SEC24A: variants seen among roughly 807,000 people sequenced by gnomAD.
The protein encoded by SEC24A is protein transport protein Sec24A.
Under a neutral mutation model 129.4 loss-of-function variants are expected in SEC24A, and 93 were observed. The ratio of observed to expected loss-of-function variants is 0.72; its 90% confidence interval spans 0.61 to 0.85. The LOEUF is 0.85. Ranked by LOEUF, SEC24A falls within the 40% of genes least tolerant of loss-of-function variation. The pLI is 0.00. For missense variants in SEC24A, 1,264 were observed against 1,307.4 expected (o/e 0.97, Z 0.51); for synonymous variants, 460 against 467.3 (o/e 0.98, Z 0.20).
chr5:134,672,746 T>C (rs992283582), intron 4 of SEC24A, among the ~76,000 whole-genome samples: 5 of 146,588 alleles, frequency 3.4e-5, no homozygotes, highest in Non-Finnish European at 7.5e-5. Flanking sequence ...ACTTTTAGGA[T>C]TTTTTTTTTT....
Position 134,726,509 on chromosome 5 carries a change from T to C in SEC24A, c.*1415T>C, listed in dbSNP as rs1327737935. ...TATATCAATATGAGCTGACTTTAAC[T>C]GAGTTGTTTGGGATAGGGAAGAAGC... On this transcript the variant is annotated 3_prime_UTR_variant, in exon 23 of 23. Transcript: ENST00000398844. 6.6e-6 allele frequency: 1 copy of C among 152,620 alleles called. No individual in the cohort carries two copies. The highest frequency in any genetic ancestry group is 1.5e-5 in the Non-Finnish European group (1 of 68,006). 9.5% of individuals were successfully genotyped at this position (152,620 alleles called of 1,614,324 possible). A position where few individuals can be genotyped will look rare whatever the true frequency, so the allele number is the denominator to read the frequency against.
rs531057757 is a variant in SEC24A, at chr5:134,685,052, G to A, written c.1492-1738G>A. On this transcript the variant is annotated intron_variant, in intron 9 of 22. Transcript: ENST00000398844. ...CCGTGGATTCAACTACCCATGGATCGAAAATGTTCAGAAAAACACAGTAAA... is the reference window on the plus strand; with the variant it reads ...CCGTGGATTCAACTACCCATGGATCAAAAATGTTCAGAAAAACACAGTAAA... Among the ~76,000 whole-genome samples the A allele has an allele frequency of 1.2e-3, 179 of 152,200 alleles. 1 individual carries two copies. The highest frequency in any genetic ancestry group is 3.9e-3 in the African/African-American group (163 of 41,538).
chr5:134,698,952 GTC>G lies in SEC24A; in HGVS notation c.2266+898_2266+899del, dbSNP rs938296596. On this transcript the variant is annotated intron_variant, in intron 15 of 22. Coordinates refer to ENST00000398844, the MANE Select transcript of SEC24A (RefSeq NM_021982.3). ...ACAGCCTAGACCCTTTTTTGACAGA[GTC>G]TCATTCTGTCGCCCAGGCTGGAGTG... Among the ~76,000 whole-genome samples, 94 of 150,598 alleles carry G rather than the reference GTC, an allele frequency of 6.2e-4. 1 individual carries two copies. The highest frequency in any genetic ancestry group is 8.0e-4 in the Non-Finnish European group (54 of 67,604).
At chr5:134,697,776 C>A in intron 14 of SEC24A, 123 bp from the exon 15 acceptor site, 1 of 1,030,126 alleles carries the variant, frequency 9.7e-7, no homozygotes, top group South Asian at 1.6e-5. Flanking sequence ...GGAATAAAAT[C>A]TCCTTTCTGA....
intron 21 of SEC24A, among the ~76,000 whole-genome samples, chr5:134,721,432 G>A (rs908433110): frequency 2.4e-4 from 36 of 150,318 alleles, no homozygotes; most frequent in Admixed American, 2.2e-3. Context: ...GCGTGGTGGC[G>A]CACACCTGTA....
At position 134,661,537 on chromosome 5, in the gene SEC24A, A is replaced by G. The variant is rs764245136; in HGVS notation, c.516A>G (p.Gln172=). 9.4e-5 allele frequency: 151 copies of G among 1,613,972 alleles called. 1 individual carries two copies. In the East Asian group the frequency reaches 3.3e-3, roughly 35 times the overall value. ...SGNTSLTTNH[Q]YVSSGYPSLQ... is the part of the protein sequence containing the mutation. ...ATACAAGTTTAACCACAAATCATCAATATGTTTCTTCTGGATATCCTTCAC... is the reference window on the plus strand; with the variant it reads ...ATACAAGTTTAACCACAAATCATCAGTATGTTTCTTCTGGATATCCTTCAC... Residue 172 remains glutamine (Q), a synonymous_variant, in exon 2 of 23, where the codon CAA becomes CAG. Coordinates refer to ENST00000398844, the MANE Select transcript of SEC24A (RefSeq NM_021982.3).
chr5:134,679,474 C>A, intron 7 of SEC24A, 128 bp from the exon 8 acceptor site: 1 of 544,214 alleles, frequency 1.8e-6, no homozygotes, highest in Non-Finnish European at 3.2e-6. Context: ...TTAGATACAT[C>A]TTGTACTCTA....
At chr5:134,723,768 GTTC>G in intron 22 of SEC24A, 98 bp downstream of exon 22, 1 of 712,612 alleles carries the variant, frequency 1.4e-6, no homozygotes, top group Non-Finnish European at 2.4e-6. Context: ...AAGAAAAAGA[GTTC>G]TTCTCAATAA....
intron 2 of SEC24A, 62 bp from the exon 3 acceptor site, chr5:134,666,761 G>A: frequency 7.3e-7 from 1 of 1,365,126 alleles, no homozygotes; most frequent in South Asian, 1.2e-5. Context: ...TTTGGTAAAA[G>A]GCTGATTTTG....
chr5:134,659,645 CT>C (rs1173408628), intron 1 of SEC24A, among the ~76,000 whole-genome samples: 3,600 of 122,018 alleles, frequency 0.03, 45 homozygotes, highest in African/African-American at 0.067. Context: ...ACCTCATATT[CT>C]TTTTTTTTTT....
chr5:134,692,632 TA>T lies in SEC24A; in HGVS notation c.1755del (p.Val586Ter). 1 of 1,417,276 alleles carries T rather than the reference TA, an allele frequency of 7.1e-7. No homozygotes were observed. Among genetic ancestry groups the T allele is most frequent in the Non-Finnish European group, 9.9e-7 (1 of 1,005,374 alleles). The allele number at this position is 1,417,276 out of a possible 1,614,324, so 87.8% of individuals were successfully genotyped here. A position where few individuals can be genotyped will look rare whatever the true frequency, so the allele number is the denominator to read the frequency against. ...TTTATACCTATGCCAGAGAACTTAT[TA>T]GTAAACTTAAATGAAAGTAAAGAGG... is the stretch of plus-strand genomic sequence containing the variant. ...DVFIPMPENL[L>X]VNLNESKELV... On this transcript the variant is annotated frameshift_variant, in exon 12 of 23. Coordinates refer to ENST00000398844, the MANE Select transcript of SEC24A (RefSeq NM_021982.3). LOFTEE classifies it high-confidence loss of function.
At chr5:134,683,801 A>G (rs1751357061) in intron 9 of SEC24A, among the ~76,000 whole-genome samples, 1 of 152,226 alleles carries the variant, frequency 6.6e-6, no homozygotes, top group South Asian at 2.1e-4. Context: ...CAGCACAAAC[A>G]GTATTCTGAA....
At chr5:134,665,710 C>A (rs977605577) in intron 2 of SEC24A, among the ~76,000 whole-genome samples, 2 of 151,950 alleles carry the variant, frequency 1.3e-5, no homozygotes, top group Non-Finnish European at 2.9e-5. Context: ...GTGCCCACCA[C>A]CACACCTGGC....
At chr5:134,686,752 C>A in intron 9 of SEC24A, 38 bp from the exon 10 acceptor site, 1 of 1,232,930 alleles carries the variant, frequency 8.1e-7, no homozygotes, top group Non-Finnish European at 1.2e-6. Context: ...TAAACTTAAT[C>A]CTGTTAAATG....
intron 20 of SEC24A, among the ~76,000 whole-genome samples, chr5:134,719,528 C>T (rs1752573377): frequency 6.6e-6 from 1 of 151,962 alleles, no homozygotes; most frequent in African/African-American, 2.4e-5. Context: ...CCTGTCTCTA[C>T]TCAAAATACC....
chr5:134,710,466 C>T (rs1752292005), intron 18 of SEC24A, among the ~76,000 whole-genome samples: 1 of 152,120 alleles, frequency 6.6e-6, no homozygotes, highest in Non-Finnish European at 1.5e-5. Flanking sequence ...CGCCCAACCT[C>T]AGGTGATCCT....
At position 134,661,265 on chromosome 5, in the gene SEC24A, T is replaced by C; in HGVS notation, c.244T>C (p.Ser82Pro). The C allele has an allele frequency of 6.2e-7, 1 of 1,614,120 alleles. No homozygotes were observed. Among genetic ancestry groups the C allele is most frequent in the Non-Finnish European group, 8.5e-7 (1 of 1,180,038 alleles). Residue 82 changes from serine to proline, a missense_variant, in exon 2 of 23, where the codon TCT (serine) becomes CCT (proline). Physicochemically the swap from Ser to Pro is moderately conservative, Grantham distance 74 (BLOSUM62 -1). Transcript: ENST00000398844. ...GQSNYGGSQG[S>P]GQTLNRPPVA... is the part of the protein sequence containing the mutation. ...GTCTAACTATGGTGGTTCTCAGGGA[T>C]CTGGGCAGACTCTTAATAGACCACC...
chr5:134,649,146 T>C lies in SEC24A; in HGVS notation c.70T>C (p.Leu24=), dbSNP rs575779367. 130 of 1,608,582 alleles carry C rather than the reference T, an allele frequency of 8.1e-5. No individual in the cohort carries two copies. In the Middle Eastern group the frequency reaches 2.0e-3, roughly 25 times the overall value. ...CCTCCAGGCCCAGAACGGAGCCGCC[T>C]TGGCCTCGGGGTCTCCCTACACCAA... The part of the protein sequence containing the change: ...ASLQAQNGAA[L]ASGSPYTNGP... The change falls in exon 1 of 23, where the codon TTG becomes CTG. Residue 24 remains leucine (L), a synonymous_variant. Coordinates refer to ENST00000398844, the MANE Select transcript of SEC24A (RefSeq NM_021982.3).
chr5:134,699,348 G>C (rs1257584530), intron 15 of SEC24A, among the ~76,000 whole-genome samples: 1 of 149,158 alleles, frequency 6.7e-6, no homozygotes, highest in African/African-American at 2.5e-5. Context: ...GTCCAGGCTG[G>C]AGTGCAGTGG....
Sources: allele counts gnomAD v4.1 joint callset (sites outside exome capture counted in the v4.1 genomes callset), GRCh38; gene constraint gnomAD v4.1.1; transcripts MANE v1.5; gene names NCBI Gene and HGNC (gene_info 2026-07-23, HGNC 2026-07-21).